MAGI1: variants seen among roughly 807,000 people sequenced by gnomAD.
The protein encoded by MAGI1 is membrane associated guanylate kinase, WW and PDZ domain containing 1, also known as membrane-associated guanylate kinase, WW and PDZ domain-containing protein 1.
Under a neutral mutation model 139.9 loss-of-function variants are expected in MAGI1, and 58 were observed. The observed-to-expected ratio is 0.41, with a 90% CI of 0.34 to 0.52. MAGI1 has a LOEUF of 0.52. Ranked by LOEUF, MAGI1 falls within the 20% of genes least tolerant of loss-of-function variation. The pLI is 0.12. For synonymous variants in MAGI1, 812 were observed against 737.9 expected (o/e 1.10, Z -1.63); for missense variants, 1,874 against 1,901.6 (o/e 0.99, Z 0.27).
intron 1 of MAGI1, among the ~76,000 whole-genome samples, chr3:65,916,158 C>T (rs2061893960): frequency 6.6e-6 from 1 of 151,820 alleles, no homozygotes; most frequent in South Asian, 2.1e-4. Context: ...CCTTTGCCTC[C>T]CGGGTTGACG....
chr3:65,383,666 A>G (rs769736962), intron 14 of MAGI1, 43 bp from the exon 15 acceptor site: 3 of 1,155,332 alleles, frequency 2.6e-6, no homozygotes, highest in South Asian at 1.2e-5. Context: ...TTTTACTGAT[A>G]AAAGCAATGA....
At chr3:65,501,475 A>AAAAAAAAAAT (rs1553654934) in intron 2 of MAGI1, among the ~76,000 whole-genome samples, 1 of 150,150 alleles carries the variant, frequency 6.7e-6, no homozygotes, top group African/African-American at 2.5e-5. Context: ...AAAAAAAAAA[A>AAAAAAAAAAT]TTTAAACATA....
chr3:65,816,032 G>A (rs977709695), intron 1 of MAGI1, among the ~76,000 whole-genome samples: 2 of 152,168 alleles, frequency 1.3e-5, no homozygotes, highest in African/African-American at 4.8e-5. Flanking sequence ...GTCTACAATG[G>A]TAGTTGTGAA....
intron 1 of MAGI1, among the ~76,000 whole-genome samples, chr3:65,625,267 T>C (rs1235458236): frequency 6.6e-6 from 1 of 152,242 alleles, no homozygotes. Context: ...TGTTTTATTA[T>C]ATGTAAGCTA....
chr3:65,794,718 G>T (rs549880613), intron 1 of MAGI1, among the ~76,000 whole-genome samples: 1 of 152,024 alleles, frequency 6.6e-6, no homozygotes, highest in South Asian at 2.1e-4. Flanking sequence ...AAAAAAAGAG[G>T]GGGCAAAGAA....
chr3:65,536,398 T>C (rs539440643), intron 2 of MAGI1, among the ~76,000 whole-genome samples: 34 of 152,306 alleles, frequency 2.2e-4, no homozygotes, highest in Non-Finnish European at 3.2e-4. Context: ...CCCTGAAATA[T>C]TGCTAGAGCA....
intron 1 of MAGI1, among the ~76,000 whole-genome samples, chr3:65,658,064 C>A (rs1357032990): frequency 6.6e-6 from 1 of 152,102 alleles, no homozygotes; most frequent in African/African-American, 2.4e-5. Context: ...TATGCTAGGA[C>A]TTTAAAATGA....
At chr3:65,939,671 T>C (rs1269109269) in intron 1 of MAGI1, among the ~76,000 whole-genome samples, 2 of 152,156 alleles carry the variant, frequency 1.3e-5, no homozygotes, top group African/African-American at 2.4e-5. Context: ...CCCTCCGATC[T>C]TCCCTGGACT....
intron 1 of MAGI1, among the ~76,000 whole-genome samples, chr3:65,863,192 C>T (rs1395109091): frequency 6.6e-6 from 1 of 152,058 alleles, no homozygotes; most frequent in Non-Finnish European, 1.5e-5. Context: ...GTTCAAATAC[C>T]ATCTCCTCTG....
intron 1 of MAGI1, among the ~76,000 whole-genome samples, chr3:65,629,667 A>C (rs2084173393): frequency 6.6e-6 from 1 of 152,136 alleles, no homozygotes; most frequent in Non-Finnish European, 1.5e-5. Flanking sequence ...TTTTATAGTC[A>C]CTCAAACTTA....
chr3:65,673,939 C>G (rs1239971393), intron 1 of MAGI1, among the ~76,000 whole-genome samples: 7 of 152,108 alleles, frequency 4.6e-5, no homozygotes, highest in Admixed American at 2.0e-4. Flanking sequence ...TTAGAGTCAC[C>G]TCGTATTTAA....
chr3:65,605,873 C>T (rs2082714577), intron 2 of MAGI1, among the ~76,000 whole-genome samples: 1 of 152,088 alleles, frequency 6.6e-6, no homozygotes, highest in African/African-American at 2.4e-5. Context: ...AATGAAAGTC[C>T]ACTTCTACCC....
chr3:65,587,045 C>CCCCT (rs2081717364), intron 2 of MAGI1, among the ~76,000 whole-genome samples: 1 of 152,142 alleles, frequency 6.6e-6, no homozygotes, highest in Non-Finnish European at 1.5e-5. Context: ...CTAACTATTG[C>CCCCT]TGTGTGAGGG....
intron 1 of MAGI1, among the ~76,000 whole-genome samples, chr3:65,911,140 G>A (rs9845883): frequency 0.016 from 2,471 of 151,502 alleles, 76 homozygotes; most frequent in African/African-American, 0.056. Flanking sequence ...TTACAAGAGT[G>A]AGCCACAGCG....
At chr3:65,894,951 CAT>C (rs2060912554) in intron 1 of MAGI1, among the ~76,000 whole-genome samples, 1 of 152,206 alleles carries the variant, frequency 6.6e-6, no homozygotes, top group Non-Finnish European at 1.5e-5. Flanking sequence ...GGAACCTTCA[CAT>C]GAGTTCAAAA....
chr3:65,421,636 T>C (rs935652826), intron 12 of MAGI1, among the ~76,000 whole-genome samples: 5 of 152,220 alleles, frequency 3.3e-5, no homozygotes, highest in African/African-American at 1.2e-4. Context: ...TTTCTTCCAT[T>C]TTTTAGATTA....
intron 1 of MAGI1, among the ~76,000 whole-genome samples, chr3:65,804,747 C>A (rs1386813709): frequency 6.6e-6 from 1 of 152,032 alleles, no homozygotes; most frequent in Non-Finnish European, 1.5e-5. Flanking sequence ...GCACAAAGAC[C>A]AATGGAACAG....
intron 1 of MAGI1, among the ~76,000 whole-genome samples, chr3:66,027,566 C>T (rs1448624937): frequency 6.6e-6 from 1 of 152,120 alleles, no homozygotes; most frequent in Non-Finnish European, 1.5e-5. Flanking sequence ...AGTCAGGGAA[C>T]CAGGAGAACC....
intron 1 of MAGI1, chr3:65,872,679 T>C (rs992104192): frequency 6.6e-6 from 1 of 152,074 alleles, no homozygotes; most frequent in African/African-American, 2.4e-5. Flanking sequence ...TGCATATGAA[T>C]AGAAAAATAA....
Sources: gnomAD v4.1 joint callset for allele counts (sites outside exome capture counted in the v4.1 genomes callset) on GRCh38, gnomAD v4.1.1 for gene constraint, MANE v1.5 for transcripts, NCBI Gene and HGNC (gene_info 2026-07-23, HGNC 2026-07-21) for gene names.